Variants in PIK3AP1 observed in about 807,000 individuals in gnomAD.
The protein encoded by PIK3AP1 is phosphoinositide-3-kinase adaptor protein 1, also known as phosphoinositide 3-kinase adapter protein 1.
A neutral mutation model predicts 88.1 loss-of-function variants in PIK3AP1; 21 were observed. The ratio of observed to expected loss-of-function variants is 0.24; its 90% CI spans 0.17 to 0.34. PIK3AP1 has a LOEUF of 0.34. Ranked by LOEUF, PIK3AP1 falls within the 10% of genes least tolerant of loss-of-function variation. The probability of loss-of-function intolerance (pLI) is 1.00; values close to 1 mark genes in which losing one functional copy is unlikely to be tolerated. For missense variants in PIK3AP1, 828 were observed against 1,035.7 expected, an observed-to-expected ratio of 0.80 and a Z score of 2.75; for synonymous variants, 398 against 400.0, an observed-to-expected ratio of 1.00 and a Z score of 0.06.
chr10:96,656,617 A>G (rs1843617997), intron 3 of PIK3AP1, among the ~76,000 whole-genome samples, 181 bp downstream of exon 3: 1 of 152,146 alleles, frequency 6.6e-6, no homozygotes. Context: ...TCTCTCTCTT[A>G]CTCAGGGGAG....
intron 2 of PIK3AP1, among the ~76,000 whole-genome samples, chr10:96,707,084 T>C (rs1329248147): frequency 6.6e-6 from 1 of 152,206 alleles, no homozygotes; most frequent in African/African-American, 2.4e-5. Context: ...AAGTTCCTGC[T>C]CTTAGAACAG....
At chr10:96,634,733 G>A (rs1843290821) in intron 8 of PIK3AP1, among the ~76,000 whole-genome samples, 1 of 152,138 alleles carries the variant, frequency 6.6e-6, no homozygotes, top group Non-Finnish European at 1.5e-5. Flanking sequence ...GTTTTCTGTG[G>A]CTGCTATGAC....
intron 8 of PIK3AP1, among the ~76,000 whole-genome samples, chr10:96,635,527 T>G (rs77446493): frequency 0.021 from 3,264 of 152,278 alleles, 106 homozygotes; most frequent in African/African-American, 0.072. Flanking sequence ...CTATTCCATT[T>G]TCGTGGCAAA....
intron 2 of PIK3AP1, among the ~76,000 whole-genome samples, chr10:96,674,283 C>T (rs1175916015): frequency 6.6e-6 from 1 of 152,176 alleles, no homozygotes; most frequent in African/African-American, 2.4e-5. Context: ...TCTGGAAAAG[C>T]ACATTCAGCT....
At chr10:96,647,274 C>T (rs1843472823) in intron 7 of PIK3AP1, among the ~76,000 whole-genome samples, 1 of 152,162 alleles carries the variant, frequency 6.6e-6, no homozygotes, top group African/African-American at 2.4e-5. Flanking sequence ...CCTGTCTCTG[C>T]CCTGAATAGT....
chr10:96,628,253 A>T, intron 9 of PIK3AP1, 145 bp downstream of exon 9: 1 of 739,390 alleles, frequency 1.4e-6, no homozygotes, highest in Non-Finnish European at 2.4e-6. Context: ...GGGTCGGGGG[A>T]GGCAGAGTGC....
intron 16 of PIK3AP1, among the ~76,000 whole-genome samples, chr10:96,600,171 A>G (rs1035967670): frequency 6.6e-6 from 1 of 152,234 alleles, no homozygotes; most frequent in African/African-American, 2.4e-5. Context: ...TATGAGATGA[A>G]GTCTGGCAGG....
In PIK3AP1 at chr10:96,645,537, G is replaced by A. The variant is rs749277007; in HGVS notation, c.1311C>T (p.Pro437=). The part of the protein sequence containing the change: ...TDLLMKCSLN[P]GCDEDLYESM... ...ACTCATAGAGATCCTCGTCACAGCC[G>A]GGGTTGAGCGAGCATTTCATAAGCA... The change falls in exon 8 of 17, where the codon CCC becomes CCT. Residue 437 remains proline (P), a synonymous_variant. Transcript: ENST00000339364. 33 of 1,613,902 alleles carry A rather than the reference G, an allele frequency of 2.0e-5. No homozygotes were observed. Among genetic ancestry groups the A allele is most frequent in the African/African-American group, 1.2e-4 (9 of 74,914 alleles).
At chr10:96,694,944 C>A (rs1326343305) in intron 2 of PIK3AP1, among the ~76,000 whole-genome samples, 2 of 152,106 alleles carry the variant, frequency 1.3e-5, no homozygotes, top group East Asian at 1.9e-4. Flanking sequence ...CACATGCATG[C>A]CCCGGACCAT....
At chr10:96,603,343 A>G (rs1428522471) in intron 15 of PIK3AP1, among the ~76,000 whole-genome samples, 7 of 152,210 alleles carry the variant, frequency 4.6e-5, no homozygotes, top group Admixed American at 4.6e-4. Flanking sequence ...GAAGGATGCA[A>G]AGTATTGATC....
intron 2 of PIK3AP1, among the ~76,000 whole-genome samples, chr10:96,685,344 T>G (rs926743161): frequency 2.6e-5 from 4 of 152,116 alleles, no homozygotes; most frequent in Non-Finnish European, 5.9e-5. Flanking sequence ...GGTACTTCAT[T>G]GTTCAGGTCC....
At chr10:96,672,003 C>T (rs926481510) in intron 2 of PIK3AP1, among the ~76,000 whole-genome samples, 2 of 152,180 alleles carry the variant, frequency 1.3e-5, no homozygotes, top group Admixed American at 1.3e-4. Context: ...TGTGCCACTG[C>T]ACTCCAGCCT....
chr10:96,697,994 A>G (rs772541132), intron 2 of PIK3AP1, among the ~76,000 whole-genome samples: 24 of 152,188 alleles, frequency 1.6e-4, no homozygotes, highest in Non-Finnish European at 2.6e-4. Flanking sequence ...TTTCCATATC[A>G]ACACAAAGAG....
chr10:96,655,648 T>TG (rs921028953), intron 3 of PIK3AP1, among the ~76,000 whole-genome samples: 15 of 152,188 alleles, frequency 9.9e-5, no homozygotes, highest in Non-Finnish European at 1.5e-4. Context: ...GATTGAATTA[T>TG]GGGGGGGCGG....
At chr10:96,634,054 T>C (rs1272903075) in intron 8 of PIK3AP1, among the ~76,000 whole-genome samples, 1 of 152,150 alleles carries the variant, frequency 6.6e-6, no homozygotes, top group Non-Finnish European at 1.5e-5. Context: ...CCATTTGCCT[T>C]ACACTTCCCT....
intron 8 of PIK3AP1, 97 bp from the exon 9 acceptor site, chr10:96,628,590 G>A: frequency 1.0e-6 from 1 of 986,968 alleles, no homozygotes; most frequent in Non-Finnish European, 1.6e-6. Context: ...ACTCTCTTAA[G>A]AGATTCAAGC....
intron 12 of PIK3AP1, among the ~76,000 whole-genome samples, chr10:96,619,916 T>C (rs1843053502): frequency 6.6e-6 from 1 of 152,260 alleles, no homozygotes; most frequent in African/African-American, 2.4e-5. Context: ...CTGCAACTTG[T>C]TTTGTTCATT....
intron 1 of PIK3AP1, among the ~76,000 whole-genome samples, chr10:96,718,518 A>G (rs1222741221): frequency 6.6e-6 from 1 of 152,174 alleles, no homozygotes; most frequent in Non-Finnish European, 1.5e-5. Context: ...CTCGCCACAG[A>G]AGACGCAGAC....
intron 16 of PIK3AP1, 25 bp downstream of exon 16, chr10:96,602,255 A>C (rs376084685): frequency 9.4e-5 from 146 of 1,553,674 alleles, no homozygotes; most frequent in Non-Finnish European, 1.2e-4. Context: ...ATAAGGGAAA[A>C]ATTTCATATC....
Sources: gnomAD v4.1 joint callset for allele counts (sites outside exome capture counted in the v4.1 genomes callset) on GRCh38, gnomAD v4.1.1 for gene constraint, MANE v1.5 for transcripts, NCBI Gene and HGNC (gene_info 2026-07-23, HGNC 2026-07-21) for gene names.